BABAM2: variants seen among roughly 807,000 people sequenced by gnomAD.
BABAM2 encodes BRISC and BRCA1-A complex member 2.
Under a neutral mutation model 54.7 loss-of-function variants are expected in BABAM2, and 31 were observed. That is an observed-to-expected ratio of 0.57 (90% confidence interval 0.43 to 0.77). BABAM2 has a LOEUF of 0.77. BABAM2 is among the 30% of genes least tolerant of loss of function. The pLI is 0.00. For synonymous variants in BABAM2, 167 were observed against 162.9 expected, an observed-to-expected ratio of 1.03 and a Z score of -0.19; for missense variants, 364 against 455.8, an observed-to-expected ratio of 0.80 and a Z score of 1.83.
At chr2:28,227,861 T>G (rs763925293) in intron 7 of BABAM2, among the ~76,000 whole-genome samples, 2 of 152,208 alleles carry the variant, frequency 1.3e-5, no homozygotes, top group Non-Finnish European at 1.5e-5. Context: ...TGAATAAACC[T>G]AGTAAATTGC....
At chr2:28,316,438 G>A (rs1689567657) in intron 11 of BABAM2, among the ~76,000 whole-genome samples, 1 of 118,190 alleles carries the variant, frequency 8.5e-6, no homozygotes, top group Non-Finnish European at 1.8e-5. Context: ...GGGGGTGGGG[G>A]TGGGAGTCGG....
intron 6 of BABAM2, among the ~76,000 whole-genome samples, chr2:28,060,484 G>A (rs367956066): frequency 6.6e-6 from 1 of 152,180 alleles, no homozygotes; most frequent in South Asian, 2.1e-4. Flanking sequence ...GTACTGGGGG[G>A]GCCTGGCCAG....
chr2:28,026,853 T>C (rs13412609), intron 5 of BABAM2, among the ~76,000 whole-genome samples: 2 of 12,778 alleles, frequency 1.6e-4, no homozygotes, highest in South Asian at 6.8e-3. Flanking sequence ...AATATATATT[T>C]ATATATATAG....
intron 2 of BABAM2, among the ~76,000 whole-genome samples, chr2:27,914,033 A>T (rs1311896144): frequency 1.3e-5 from 2 of 152,220 alleles, no homozygotes; most frequent in Admixed American, 1.3e-4. Flanking sequence ...CTTAATAAAG[A>T]ACTAGTGTTA....
rs889514326 is a variant in BABAM2 at position 28,148,130 on chromosome 2, A to G, written c.680+18750A>G. ...CTCTTATTCTGTGGTTGTCAGGTCC[A>G]TTACTTTCAGATCAAGATCTCATCT... On this transcript the variant is annotated intron_variant, in intron 7 of 11. Transcript: ENST00000379624. Among the ~76,000 whole-genome samples the G allele has an allele frequency of 9.2e-5, 14 of 152,334 alleles. No individual in the cohort carries two copies. The East Asian group carries it at 1.2e-3, about 13-fold the overall frequency.
At chr2:27,991,427 T>A (rs1672768739) in intron 4 of BABAM2, among the ~76,000 whole-genome samples, 1 of 152,190 alleles carries the variant, frequency 6.6e-6, no homozygotes, top group Non-Finnish European at 1.5e-5. Flanking sequence ...TCACCTAAAG[T>A]GTGTAATTCA....
In BABAM2 at chr2:28,332,163, CG is replaced by C. The variant is rs548160274; in HGVS notation, c.1089-6281del. 6.8e-4 allele frequency among the ~76,000 whole-genome samples: 104 copies of C among 152,186 alleles called. 1 individual carries two copies. The highest frequency in any genetic ancestry group is 2.0e-3 in the African/African-American group (84 of 41,522). On this transcript the variant is annotated intron_variant, in intron 11 of 11. Coordinates refer to ENST00000379624, the MANE Select transcript of BABAM2 (RefSeq NM_199191.3). ...ACATCACACACTGGGGCCTGTTGAT[CG>C]GGGGGCATCAGGATAAATAGCTAAT... is the stretch of plus-strand genomic sequence containing the variant.
In BABAM2 at chr2:27,897,921, C is replaced by T. The variant is rs562975248; in HGVS notation, c.128+3237C>T. On this transcript the variant is annotated intron_variant, in intron 2 of 11. Transcript: ENST00000379624. ...TCTCAAGAGGGTATTTTCCAGTTTC[C>T]CTCACTGTAATTTTTGGCCTGCAGA... Among the ~76,000 whole-genome samples the T allele has an allele frequency of 5.9e-5, 9 of 152,216 alleles. No homozygotes were observed. In the South Asian group the frequency reaches 1.9e-3, roughly 32 times the overall value.
At chr2:27,975,348 C>G (rs1356380708) in intron 3 of BABAM2, among the ~76,000 whole-genome samples, 1 of 151,930 alleles carries the variant, frequency 6.6e-6, no homozygotes, top group Non-Finnish European at 1.5e-5. Flanking sequence ...AGTTTGAAGA[C>G]TTATTATCAA....
intron 3 of BABAM2, among the ~76,000 whole-genome samples, chr2:27,980,332 T>A (rs774920778): frequency 6.6e-6 from 1 of 152,220 alleles, no homozygotes; most frequent in Non-Finnish European, 1.5e-5. Flanking sequence ...GGAAATGTGA[T>A]GTTATTGCTC....
rs563408270 is a variant in BABAM2 at position 28,019,782 on chromosome 2, A to G, written c.301-5444A>G. 5.9e-5 allele frequency among the ~76,000 whole-genome samples: 9 copies of G among 152,184 alleles called. No homozygotes were observed. The South Asian group carries it at 6.2e-4, about 11-fold the overall frequency. ...TCCCCACTTTATGTTTTTGTTGGCC[A>G]TGTTGAAGATCAAATGGCTGTAAGT... On this transcript the variant is annotated intron_variant, in intron 4 of 11. Coordinates refer to ENST00000379624, the MANE Select transcript of BABAM2 (RefSeq NM_199191.3).
chr2:28,140,813 A>G (rs567922267), intron 7 of BABAM2, among the ~76,000 whole-genome samples: 52 of 152,318 alleles, frequency 3.4e-4, no homozygotes, highest in African/African-American at 1.2e-3. Context: ...ATATGTATAC[A>G]TATGCATTGT....
At chr2:28,202,958 C>T (rs966995443) in intron 7 of BABAM2, among the ~76,000 whole-genome samples, 1 of 152,088 alleles carries the variant, frequency 6.6e-6, no homozygotes, top group African/African-American at 2.4e-5. Flanking sequence ...CCTGTGTCCT[C>T]CACCCCCCCA....
intron 6 of BABAM2, among the ~76,000 whole-genome samples, chr2:28,111,028 G>A (rs1368452302): frequency 2.0e-5 from 3 of 150,750 alleles, no homozygotes; most frequent in African/African-American, 4.9e-5. Flanking sequence ...GAGTGCAGTG[G>A]GGCAATCTCG....
At position 28,338,634 on chromosome 2, in the gene BABAM2, G is replaced by C. The variant is rs1366391503; in HGVS notation, c.*121G>C. Reference sequence around the variant, plus strand: ...ACGGCAGCGTTTTGCTCACACAGCAGCTTTTGCACGCCCCAGGCAGCCCCG... The same window carrying C: ...ACGGCAGCGTTTTGCTCACACAGCACCTTTTGCACGCCCCAGGCAGCCCCG... On this transcript the variant is annotated 3_prime_UTR_variant, in exon 12 of 12. Transcript: ENST00000379624. 3.4e-6 allele frequency: 4 copies of C among 1,185,186 alleles called. No individual in the cohort carries two copies. The East Asian group carries it at 9.6e-5, about 28-fold the overall frequency. 73.4% of individuals were successfully genotyped at this position (1,185,186 alleles called of 1,614,324 possible). A position where few individuals can be genotyped will look rare whatever the true frequency, so the allele number is the denominator to read the frequency against.
chr2:28,078,619 G>A (rs1664898124), intron 6 of BABAM2, among the ~76,000 whole-genome samples: 1 of 152,132 alleles, frequency 6.6e-6, no homozygotes, highest in Non-Finnish European at 1.5e-5. Context: ...GGATAAGGAA[G>A]GACTATTGTA....
chr2:28,275,394 G>C (rs1685792275), intron 10 of BABAM2, among the ~76,000 whole-genome samples: 2 of 152,196 alleles, frequency 1.3e-5, no homozygotes, highest in Admixed American at 1.3e-4. Context: ...GGTTGTGAAG[G>C]TATAAGCCTC....
At chr2:28,089,407 A>G (rs1007413128) in intron 6 of BABAM2, among the ~76,000 whole-genome samples, 4 of 152,172 alleles carry the variant, frequency 2.6e-5, no homozygotes, top group African/African-American at 9.7e-5. Flanking sequence ...TAAATGCTGG[A>G]GGTCTTGAGG....
intron 7 of BABAM2, among the ~76,000 whole-genome samples, chr2:28,147,246 C>G (rs1278967185): frequency 2.0e-5 from 3 of 152,202 alleles, no homozygotes; most frequent in Admixed American, 1.3e-4. Flanking sequence ...GCTGTCCTGT[C>G]TTAGAAAGTC....
Sources: allele counts gnomAD v4.1 joint callset (sites outside exome capture counted in the v4.1 genomes callset), GRCh38; gene constraint gnomAD v4.1.1; transcripts MANE v1.5; gene names NCBI Gene and HGNC (gene_info 2026-07-23, HGNC 2026-07-21).